Variants in TRIO observed in about 807,000 individuals in gnomAD.
TRIO encodes triple functional domain protein.
In TRIO, 58 loss-of-function variants were observed where a neutral mutation model predicts 351.9. The ratio of observed to expected loss-of-function variants is 0.16; its 90% CI spans 0.13 to 0.21. TRIO has a LOEUF of 0.21. Ranked by LOEUF, TRIO falls within the 10% of genes least tolerant of loss-of-function variation. The pLI is 1.00. For synonymous variants in TRIO, 1,758 were observed against 1,595.7 expected, an observed-to-expected ratio of 1.10 and a Z score of -2.42; for missense variants, 3,201 against 4,027.8, an observed-to-expected ratio of 0.79 and a Z score of 5.56.
At position 14,162,091 on chromosome 5, in the gene TRIO, G is replaced by A. The variant is rs150792444; in HGVS notation, c.157+18209G>A. Among the ~76,000 whole-genome samples, 8 of 152,296 alleles carry A rather than the reference G, an allele frequency of 5.3e-5. No homozygotes were observed. The East Asian group carries it at 1.2e-3, about 22-fold the overall frequency. The stretch of plus-strand genomic sequence containing the variant: ...ATGCCAAGGCACAGTATTAGTTGTG[G>A]GTTATGGAATCACGGCCAATTTGGA... On this transcript the variant is annotated intron_variant, in intron 1 of 56. Transcript: ENST00000344204.
Position 14,403,513 on chromosome 5 carries a change from G to GGTGGTGAGGGTGCAGGTT in TRIO, c.4717-2313_4717-2296dup, listed in dbSNP as rs1223784676. 2.1e-4 allele frequency among the ~76,000 whole-genome samples: 21 copies of GGTGGTGAGGGTGCAGGTT among 100,320 alleles called. 1 individual carries two copies. The highest frequency in any genetic ancestry group is 4.1e-4 in the Non-Finnish European group (20 of 49,044). 65.8% of individuals were successfully genotyped at this position (100,320 alleles called of 152,430 possible). A position where few individuals can be genotyped will look rare whatever the true frequency, so the allele number is the denominator to read the frequency against. ...TGGTGGTGGTGAGGGTGTAGGTGGT[G>GGTGGTGAGGGTGCAGGTT]GTGGTGAGGGTGCAGGTTGTGGTGA... On this transcript the variant is annotated intron_variant, in intron 31 of 56. Coordinates refer to ENST00000344204, the MANE Select transcript of TRIO (RefSeq NM_007118.4).
chr5:14,440,292 G>A (rs144133925), intron 34 of TRIO, among the ~76,000 whole-genome samples: 11 of 152,270 alleles, frequency 7.2e-5, no homozygotes, highest in East Asian at 1.9e-4. Flanking sequence ...GTGACTTTTC[G>A]TCAGACCAAG....
intron 10 of TRIO, among the ~76,000 whole-genome samples, 166 bp downstream of exon 10, chr5:14,331,066 GA>G (rs1740864113): frequency 6.6e-6 from 1 of 152,394 alleles, no homozygotes; most frequent in Admixed American, 6.5e-5. Flanking sequence ...TGCCTAGGCA[GA>G]AACATGATTT....
intron 1 of TRIO, among the ~76,000 whole-genome samples, chr5:14,226,033 TTGAC>T (rs1387015704): frequency 6.6e-6 from 1 of 152,124 alleles, no homozygotes; most frequent in Non-Finnish European, 1.5e-5. Flanking sequence ...TCCTGTGCAT[TTGAC>T]TGAGTGAGGG....
chr5:14,397,223 C>T lies in TRIO; in HGVS notation c.4423+69C>T, dbSNP rs1480975668. 6.2e-6 allele frequency: 8 copies of T among 1,287,852 alleles called. No individual in the cohort carries two copies. The African/African-American group carries it at 1.0e-4, about 17-fold the overall frequency. 79.8% of individuals were successfully genotyped at this position (1,287,852 alleles called of 1,614,324 possible). A position where few individuals can be genotyped will look rare whatever the true frequency, so the allele number is the denominator to read the frequency against. On this transcript the variant is annotated intron_variant, in intron 29 of 56. Transcript: ENST00000344204. ...AATGACACTGTTTGTAAATGGATTTCCTGAACCCTAAAAATCCCCGCTTTA... is the reference window on the plus strand; with the variant it reads ...AATGACACTGTTTGTAAATGGATTTTCTGAACCCTAAAAATCCCCGCTTTA...
intron 1 of TRIO, among the ~76,000 whole-genome samples, chr5:14,253,024 A>G (rs1794831362): frequency 6.6e-6 from 1 of 152,216 alleles, no homozygotes; most frequent in East Asian, 1.9e-4. Flanking sequence ...AACCAGGGAA[A>G]TACCTTCTGT....
At chr5:14,269,246 G>A (rs187380372) in intron 1 of TRIO, among the ~76,000 whole-genome samples, 3 of 152,314 alleles carry the variant, frequency 2.0e-5, no homozygotes, top group Admixed American at 6.5e-5. Context: ...CATTATACAC[G>A]TGGACGTATT....
At chr5:14,206,749 A>G (rs1356919977) in intron 1 of TRIO, among the ~76,000 whole-genome samples, 3 of 152,214 alleles carry the variant, frequency 2.0e-5, no homozygotes, top group Admixed American at 1.3e-4. Flanking sequence ...ACTTCATTAT[A>G]TGCTATTTCC....
At chr5:14,256,764 G>A (rs1795042891) in intron 1 of TRIO, among the ~76,000 whole-genome samples, 1 of 152,220 alleles carries the variant, frequency 6.6e-6, no homozygotes, top group Non-Finnish European at 1.5e-5. Flanking sequence ...CCTCCTGTTT[G>A]GAGGTTTTGA....
chr5:14,357,149 C>T (rs10062034), intron 11 of TRIO, among the ~76,000 whole-genome samples: 5,360 of 152,330 alleles, frequency 0.035, 338 homozygotes, highest in African/African-American at 0.12. Context: ...ACCACATGCA[C>T]ACACAGTTTC....
At chr5:14,220,061 TTTTAAAA>T (rs1409189037) in intron 1 of TRIO, among the ~76,000 whole-genome samples, 2 of 151,204 alleles carry the variant, frequency 1.3e-5, no homozygotes, top group Non-Finnish European at 2.9e-5. Flanking sequence ...TTTTTTTTTT[TTTTAAAA>T]ACAAATTGAA....
At chr5:14,371,364 T>G (rs116338657) in intron 18 of TRIO, among the ~76,000 whole-genome samples, 3 of 152,188 alleles carry the variant, frequency 2.0e-5, no homozygotes, top group African/African-American at 7.2e-5. Flanking sequence ...CTTTTTATTA[T>G]GGGAATTTGA....
In TRIO at chr5:14,479,969, C is replaced by G. The variant is rs1164482398; in HGVS notation, c.6294C>G (p.Ile2098Met). Residue 2098 changes from isoleucine (I) to methionine (M), a missense_variant, in exon 43 of 57, where the codon ATC becomes ATG. Coordinates refer to ENST00000344204, the MANE Select transcript of TRIO (RefSeq NM_007118.4). ...GGTTACAGCTCACAGATCTGTTGATCAAACCAGTGCAGAGAATCATGAAGT... is the reference window on the plus strand; with the variant it reads ...GGTTACAGCTCACAGATCTGTTGATGAAACCAGTGCAGAGAATCATGAAGT... Reference protein sequence around the residue: ...GHRLQLTDLLIKPVQRIMKYQ... With the variant: ...GHRLQLTDLLMKPVQRIMKYQ... The G allele has an allele frequency of 6.2e-7, 1 of 1,614,112 alleles. No individual in the cohort carries two copies.
At chr5:14,463,908 C>T (rs745811093) in intron 36 of TRIO, among the ~76,000 whole-genome samples, 11 of 152,138 alleles carry the variant, frequency 7.2e-5, no homozygotes, top group Non-Finnish European at 1.3e-4. Flanking sequence ...CAGACCTGTC[C>T]ACCACCCCTT....
intron 1 of TRIO, among the ~76,000 whole-genome samples, chr5:14,179,449 CTT>C (rs1166814399): frequency 7.7e-5 from 11 of 142,928 alleles, no homozygotes; most frequent in African/African-American, 2.5e-4. Context: ...ATCAACAAAG[CTT>C]TTTTTTTTTT....
In TRIO at chr5:14,488,236, C is replaced by T. The variant is rs373630440; in HGVS notation, c.7608C>T (p.Ser2536=). ...MSTCSSASEQ[S]VQSTQSNGSE... ...CGTGCTCCTCGGCCAGCGAGCAGTC[C>T]GTGCAGTCCACCCAGAGCAACGGGG... The change falls in exon 48 of 57, where the codon TCC becomes TCT. Residue 2536 remains serine, a synonymous_variant. Transcript: ENST00000344204. The T allele has an allele frequency of 1.1e-5, 17 of 1,583,056 alleles. No individual in the cohort carries two copies. Among genetic ancestry groups the T allele is most frequent in the South Asian group, 9.0e-5 (8 of 88,768 alleles).
At chr5:14,474,595 G>C (rs887267739) in intron 40 of TRIO, among the ~76,000 whole-genome samples, 1 of 152,196 alleles carries the variant, frequency 6.6e-6, no homozygotes, top group Non-Finnish European at 1.5e-5. Flanking sequence ...TAGAATTGCA[G>C]CCATCTTTAG....
intron 29 of TRIO, 30 bp downstream of exon 29, chr5:14,397,184 T>A (rs375618645): frequency 6.5e-7 from 1 of 1,538,804 alleles, no homozygotes; most frequent in African/African-American, 1.4e-5. Context: ...CCAGTGTGCA[T>A]CTATGCAGTT....
chr5:14,178,280 G>A (rs1789526822), intron 1 of TRIO, among the ~76,000 whole-genome samples: 1 of 152,294 alleles, frequency 6.6e-6, no homozygotes, highest in Non-Finnish European at 1.5e-5. Flanking sequence ...CAGGAATGCT[G>A]TCAATTAAAA....
Sources: allele counts gnomAD v4.1 joint callset (sites outside exome capture counted in the v4.1 genomes callset), GRCh38; gene constraint gnomAD v4.1.1; transcripts MANE v1.5; gene names NCBI Gene and HGNC (gene_info 2026-07-23, HGNC 2026-07-21).